The following NDE1 variants were observed in gnomAD, a reference collection of about 807,000 sequenced individuals.
NDE1 encodes the protein nuclear distribution protein nudE homolog 1.
Under a neutral mutation model 43.4 loss-of-function variants are expected in NDE1, and 28 were observed. The observed-to-expected ratio is 0.65, with a 90% CI of 0.48 to 0.89. NDE1 has a LOEUF of 0.89. NDE1 is among the 40% of genes least tolerant of loss of function. NDE1 has a pLI of 0.00. For synonymous variants in NDE1, 184 were observed against 172.0 expected (o/e 1.07, Z -0.55); for missense variants, 441 against 434.1 (o/e 1.02, Z -0.14).
At chr16:15,668,053 G>A (rs1316447515) in intron 3 of NDE1, among the ~76,000 whole-genome samples, 1 of 151,624 alleles carries the variant, frequency 6.6e-6, no homozygotes, top group Non-Finnish European at 1.5e-5. Flanking sequence ...CACCCTGGAC[G>A]TCTCAGGTTT....
At chr16:15,674,235 T>C (rs978031338) in intron 3 of NDE1, among the ~76,000 whole-genome samples, 2 of 151,992 alleles carry the variant, frequency 1.3e-5, no homozygotes, top group African/African-American at 4.8e-5. Flanking sequence ...CTCCCTCCCT[T>C]CTGTCTTAGT....
chr16:15,716,868 A>G (rs1377273376), intron 8 of NDE1, among the ~76,000 whole-genome samples: 1 of 150,866 alleles, frequency 6.6e-6, no homozygotes, highest in East Asian at 1.9e-4. Flanking sequence ...GGGAAAAGTC[A>G]TATGTACTGC....
intron 8 of NDE1, among the ~76,000 whole-genome samples, chr16:15,715,834 C>T (rs372286847): frequency 3.4e-4 from 52 of 151,922 alleles, no homozygotes; most frequent in African/African-American, 9.4e-4. Flanking sequence ...TTCATAGAAA[C>T]GGAGTCTCTG....
At chr16:15,707,370 C>A (rs1220439705) in intron 8 of NDE1, among the ~76,000 whole-genome samples, 1 of 152,114 alleles carries the variant, frequency 6.6e-6, no homozygotes, top group Non-Finnish European at 1.5e-5. Context: ...TATCCAAGGC[C>A]TCGGGAATCA....
At chr16:15,693,628 C>G (rs986846331) in intron 6 of NDE1, among the ~76,000 whole-genome samples, 6 of 151,924 alleles carry the variant, frequency 3.9e-5, no homozygotes, top group African/African-American at 1.5e-4. Context: ...TAGTGAGACC[C>G]TGTCTCTATT....
intron 8 of NDE1, chr16:15,712,851 G>A (rs530679038): frequency 7.0e-6 from 1 of 143,286 alleles, no homozygotes; most frequent in South Asian, 2.2e-4. Context: ...GATGGGTGGG[G>A]GCGAGGGGAA....
At chr16:15,694,564 T>A (rs1455484090) in intron 7 of NDE1, 3 of 917,752 alleles carry the variant, frequency 3.3e-6, no homozygotes, top group African/African-American at 3.6e-5. Flanking sequence ...CCCAGGCTGG[T>A]CTTAAACTCC....
chr16:15,688,626 C>G (rs1237087966), intron 5 of NDE1, among the ~76,000 whole-genome samples: 1 of 88,450 alleles, frequency 1.1e-5, no homozygotes, highest in Non-Finnish European at 2.0e-5. Context: ...GAGTGAGACT[C>G]TTGTCTCAAA....
intron 8 of NDE1, chr16:15,718,611 G>T: frequency 9.8e-7 from 1 of 1,020,296 alleles, no homozygotes; most frequent in Non-Finnish European, 1.4e-6. Flanking sequence ...GTGGACAGCC[G>T]GGACTCAGGC....
chr16:15,676,677 C>T (rs1341287591), intron 3 of NDE1, among the ~76,000 whole-genome samples: 2 of 151,548 alleles, frequency 1.3e-5, no homozygotes, highest in African/African-American at 4.8e-5. Flanking sequence ...ATTATGATTT[C>T]TTTCCTTTTG....
At chr16:15,677,270 G>A (rs892481439) in intron 3 of NDE1, among the ~76,000 whole-genome samples, 4 of 151,960 alleles carry the variant, frequency 2.6e-5, no homozygotes, top group African/African-American at 9.7e-5. Flanking sequence ...GGAGTGTGGT[G>A]GGAGGAGTAG....
At chr16:15,700,976 C>T (rs1371944443) in intron 8 of NDE1, among the ~76,000 whole-genome samples, 1 of 152,062 alleles carries the variant, frequency 6.6e-6, no homozygotes, top group Admixed American at 6.6e-5. Context: ...TGGCTCAGGC[C>T]GGTAATCCTA....
intron 8 of NDE1, chr16:15,711,388 A>C (rs1300337774): frequency 6.6e-6 from 1 of 152,192 alleles, no homozygotes; most frequent in Non-Finnish European, 1.5e-5. Context: ...TTAGTGGAGA[A>C]GTAGGCTTCA....
At chr16:15,684,937 T>G (rs1410804365) in intron 4 of NDE1, among the ~76,000 whole-genome samples, 2 of 152,238 alleles carry the variant, frequency 1.3e-5, no homozygotes, top group Non-Finnish European at 2.9e-5. Flanking sequence ...TTCCCTGATC[T>G]CTTTTACAGA....
Position 15,688,308 on chromosome 16 carries a change from T to C in NDE1, c.523+797T>C, listed in dbSNP as rs1175514857. On this transcript the variant is annotated intron_variant, in intron 5 of 8. Coordinates refer to ENST00000396354, the MANE Select transcript of NDE1 (RefSeq NM_017668.3). Reference sequence around the variant, plus strand: ...CTCATCAGCATTTGCTCTTTTTCAGTTGGCACTTCCAGAGGTAGAATGTTG... The same window carrying C: ...CTCATCAGCATTTGCTCTTTTTCAGCTGGCACTTCCAGAGGTAGAATGTTG... Among the ~76,000 whole-genome samples the C allele has an allele frequency of 3.9e-5, 6 of 152,040 alleles. No homozygotes were observed. The East Asian group carries it at 1.2e-3, about 29-fold the overall frequency.
chr16:15,660,719 T>G (rs1265091341), intron 1 of NDE1, among the ~76,000 whole-genome samples: 4 of 152,164 alleles, frequency 2.6e-5, no homozygotes, highest in African/African-American at 4.8e-5. Flanking sequence ...CGACTTTCGC[T>G]CAGCCTTGTG....
chr16:15,691,561 C>CT (rs745959319), intron 6 of NDE1, among the ~76,000 whole-genome samples: 1 of 151,892 alleles, frequency 6.6e-6, no homozygotes, highest in Non-Finnish European at 1.5e-5. Context: ...GAGCGGGTGG[C>CT]TGCCACTCTG....
chr16:15,678,239 C>G (rs1226321360), intron 4 of NDE1, among the ~76,000 whole-genome samples: 1 of 152,144 alleles, frequency 6.6e-6, no homozygotes, highest in Non-Finnish European at 1.5e-5. Flanking sequence ...AGGGGAAATG[C>G]TATTTAGGCT....
intron 8 of NDE1, chr16:15,717,090 C>T (rs766586858): frequency 2.5e-6 from 4 of 1,586,290 alleles, no homozygotes; most frequent in Non-Finnish European, 3.5e-6. Context: ...ATGACTCCTG[C>T]TGTCCATCAC....
Sources: gnomAD v4.1 joint callset for allele counts (sites outside exome capture counted in the v4.1 genomes callset) on GRCh38, gnomAD v4.1.1 for gene constraint, MANE v1.5 for transcripts, NCBI Gene and HGNC (gene_info 2026-07-23, HGNC 2026-07-21) for gene names.